UTP4: variants seen among roughly 807,000 people sequenced by gnomAD.
The protein encoded by UTP4 is U3 small nucleolar RNA-associated protein 4 homolog.
In UTP4, 45 loss-of-function variants were observed where a neutral mutation model predicts 82.4. The observed-to-expected ratio is 0.55, with a 90% CI of 0.43 to 0.70. The LOEUF (loss-of-function observed/expected upper bound fraction) is 0.70, where lower values mean the gene tolerates loss of function less well. Ranked by LOEUF, UTP4 falls within the 30% of genes least tolerant of loss-of-function variation. UTP4 has a pLI of 0.00. For missense variants in UTP4, 819 were observed against 858.3 expected (o/e 0.95, Z 0.57); for synonymous variants, 348 against 300.3 (o/e 1.16, Z -1.64).
rs772219835 is a variant in UTP4 at position 69,132,729 on chromosome 16, T to TG, written c.-3+47dup. On this transcript the variant is annotated intron_variant, in intron 1 of 16. Transcript: ENST00000314423. ...GGGCGTGGGAAGCGGCTGCGAGAGCTGGGGGGGTCTTACAAGGTGGCCGGC... is the reference window on the plus strand; with the variant it reads ...GGGCGTGGGAAGCGGCTGCGAGAGCTGGGGGGGGTCTTACAAGGTGGCCGGC... The TG allele has an allele frequency of 5.6e-4, 140 of 247,918 alleles. 1 individual carries two copies. The highest frequency in any genetic ancestry group is 1.4e-3 in the African/African-American group (59 of 41,660). The allele number at this position is 247,918 out of a possible 1,614,324, so 15.4% of individuals were successfully genotyped here.
chr16:69,139,677 A>T (rs1962906475), intron 4 of UTP4, 148 bp from the exon 5 acceptor site: 1 of 301,830 alleles, frequency 3.3e-6, no homozygotes, highest in Admixed American at 5.0e-5. Context: ...TAAATAAATA[A>T]ATAAATAAAA....
At chr16:69,134,384 T>A (rs947597077) in intron 2 of UTP4, among the ~76,000 whole-genome samples, 2 of 152,102 alleles carry the variant, frequency 1.3e-5, no homozygotes, top group Non-Finnish European at 2.9e-5. Context: ...TCAGAGGCCC[T>A]AACTTTACGG....
intron 16 of UTP4, chr16:69,167,478 T>C (rs764419230): frequency 3.2e-5 from 12 of 380,850 alleles, no homozygotes; most frequent in Non-Finnish European, 5.0e-5. Context: ...GCTTTAAATT[T>C]TACTTGTTGG....
chr16:69,164,077 A>G (rs926613760), intron 14 of UTP4, among the ~76,000 whole-genome samples: 12 of 151,418 alleles, frequency 7.9e-5, no homozygotes, highest in South Asian at 2.1e-4. Context: ...GTAGAGATGG[A>G]GTTTCACCAT....
Position 69,155,880 on chromosome 16 carries a change from A to T in UTP4, c.1174A>T (p.Asn392Tyr). ...TTCCTGATATTGCCAGGGTCCTGAG[A>T]ACATTATCTGTAGCTGTATCTCCCC... ...LLHLKTKGPE[N>Y]IICSCISPCG... The change falls in exon 11 of 17, where the codon AAC (asparagine) becomes TAC (tyrosine). Residue 392 changes from asparagine (N) to tyrosine (Y), a missense_variant. Transcript: ENST00000314423. 6.2e-7 allele frequency: 1 copy of T among 1,614,130 alleles called. No individual in the cohort carries two copies. The highest frequency in any genetic ancestry group is 8.5e-7 in the Non-Finnish European group (1 of 1,179,996).
chr16:69,159,644 C>A (rs1204138398), intron 12 of UTP4, among the ~76,000 whole-genome samples: 1 of 151,790 alleles, frequency 6.6e-6, no homozygotes, highest in African/African-American at 2.4e-5. Context: ...GCCGAGATTG[C>A]ACCACTGCAC....
intron 5 of UTP4, among the ~76,000 whole-genome samples, chr16:69,140,633 C>T (rs1962934306): frequency 6.6e-6 from 1 of 151,466 alleles, no homozygotes; most frequent in Non-Finnish European, 1.5e-5. Context: ...AGAATCGCCC[C>T]ATTGCACTCC....
At chr16:69,134,353 T>C (rs951445698) in intron 2 of UTP4, among the ~76,000 whole-genome samples, 2 of 152,096 alleles carry the variant, frequency 1.3e-5, no homozygotes, top group African/African-American at 2.4e-5. Flanking sequence ...GAGTGGCAAA[T>C]ACTGGGCACT....
At chr16:69,162,937 G>C (rs1963601443) in intron 13 of UTP4, 146 bp from the exon 14 acceptor site, 1 of 736,084 alleles carries the variant, frequency 1.4e-6, no homozygotes, top group African/African-American at 1.7e-5. Context: ...TCATTGGTTG[G>C]GGAAATGCCT....
chr16:69,141,622 A>C (rs1297137414), intron 5 of UTP4, among the ~76,000 whole-genome samples: 4 of 152,072 alleles, frequency 2.6e-5, no homozygotes, highest in Non-Finnish European at 5.9e-5. Flanking sequence ...CACGTCCTTC[A>C]GTTCTGGGGG....
chr16:69,141,434 C>A (rs1014389451), intron 5 of UTP4, among the ~76,000 whole-genome samples: 1 of 152,218 alleles, frequency 6.6e-6, no homozygotes, highest in Non-Finnish European at 1.5e-5. Flanking sequence ...GTATTATTAG[C>A]AAGTAAGCTG....
chr16:69,148,843 T>TGCGG (rs1963188174), intron 6 of UTP4, among the ~76,000 whole-genome samples: 2 of 152,040 alleles, frequency 1.3e-5, no homozygotes, highest in South Asian at 4.1e-4. Flanking sequence ...TGGGTTGAAG[T>TGCGG]GATTCTCCTG....
At chr16:69,162,314 A>G (rs1304548865) in intron 13 of UTP4, among the ~76,000 whole-genome samples, 2 of 149,874 alleles carry the variant, frequency 1.3e-5, no homozygotes, top group East Asian at 4.2e-4. Flanking sequence ...GCGGTGGCTT[A>G]CGCCTGTAAT....
At chr16:69,164,449 T>C (rs1171742307) in intron 14 of UTP4, among the ~76,000 whole-genome samples, 1 of 151,966 alleles carries the variant, frequency 6.6e-6, no homozygotes. Flanking sequence ...TATACAGTGT[T>C]CTGAAGGTAT....
intron 6 of UTP4, among the ~76,000 whole-genome samples, chr16:69,146,846 AC>A (rs1963123692): frequency 6.6e-6 from 1 of 151,244 alleles, no homozygotes; most frequent in African/African-American, 2.4e-5. Context: ...AAAAAAAAAT[AC>A]AAAAAATTAG....
chr16:69,152,060 T>C (rs1477375692), intron 8 of UTP4, among the ~76,000 whole-genome samples: 2 of 151,198 alleles, frequency 1.3e-5, no homozygotes, highest in Non-Finnish European at 2.9e-5. Flanking sequence ...ATACTTGATA[T>C]ATTAAAAATC....
rs774735552 is a variant in UTP4, at chr16:69,150,881, C to G, written c.979C>G (p.Leu327Val). ...KVEVKNYDAA[L>V]RKITFPHRCL... ...GGAAGTAAAGAATTACGATGCCGCT[C>G]TCCGAAAAATCACCTTTCCCCACGT... Residue 327 changes from leucine (L) to valine (V), a missense_variant, in exon 8 of 17, where the codon CTC (leucine) becomes GTC (valine). By Grantham distance (32) the Leu-to-Val change is conservative (BLOSUM62 1). Transcript: ENST00000314423. The G allele has an allele frequency of 6.2e-7, 1 of 1,613,910 alleles. No homozygotes were observed.
At chr16:69,146,845 T>A (rs1963123568) in intron 6 of UTP4, among the ~76,000 whole-genome samples, 1 of 147,054 alleles carries the variant, frequency 6.8e-6, no homozygotes, top group Middle Eastern at 3.5e-3. Flanking sequence ...AAAAAAAAAA[T>A]ACAAAAAATT....
At chr16:69,163,563 G>A (rs1022985045) in intron 14 of UTP4, among the ~76,000 whole-genome samples, 5 of 151,926 alleles carry the variant, frequency 3.3e-5, no homozygotes, top group East Asian at 1.9e-4. Flanking sequence ...TCACCTTTAC[G>A]CTTGCCGATG....
Sources: allele counts gnomAD v4.1 joint callset (sites outside exome capture counted in the v4.1 genomes callset), GRCh38; gene constraint gnomAD v4.1.1; transcripts MANE v1.5; gene names NCBI Gene and HGNC (gene_info 2026-07-23, HGNC 2026-07-21).